MYO7A: variants seen among roughly 807,000 people sequenced by gnomAD.
The protein encoded by MYO7A is unconventional myosin-VIIa.
In MYO7A, 210 loss-of-function variants were observed where a neutral mutation model predicts 263.8. The observed-to-expected ratio is 0.80, with a 90% confidence interval of 0.71 to 0.89. MYO7A has a LOEUF of 0.89. Among genes scored for constraint, MYO7A ranks in the 40% least tolerant of loss-of-function variants. MYO7A has a pLI of 0.00. For synonymous variants in MYO7A, 1,239 were observed against 1,197.3 expected (o/e 1.03, Z -0.72); for missense variants, 2,820 against 2,968.3 (o/e 0.95, Z 1.16).
In MYO7A at chr11:77,189,334, G is replaced by T; in HGVS notation, c.3504-10G>T. On this transcript the variant is annotated splice_polypyrimidine_tract_variant and intron_variant, in intron 27 of 48. Transcript: ENST00000409709. ...GTGATTCCCCCTCCCTTGCCCTGCT[G>T]CCTGCCCAGGGACGAGATCTACTGC... 6.2e-7 allele frequency: 1 copy of T among 1,612,874 alleles called. No individual in the cohort carries two copies.
At position 77,161,746 on chromosome 11, in the gene MYO7A, T is replaced by C. The variant is rs1021350435; in HGVS notation, c.1344-374T>C. The stretch of plus-strand genomic sequence containing the variant: ...TCCCACCTCCCAAGGCCACTTTTGA[T>C]GTCCCTGTATGGCCCACCAGCCAGC... On this transcript the variant is annotated intron_variant, in intron 12 of 48. Coordinates refer to ENST00000409709, the MANE Select transcript of MYO7A (RefSeq NM_000260.4). 2.0e-5 allele frequency among the ~76,000 whole-genome samples: 3 copies of C among 152,228 alleles called. No individual in the cohort carries two copies. The East Asian group carries it at 5.8e-4, about 29-fold the overall frequency.
chr11:77,156,596 G>A, intron 5 of MYO7A, 64 bp from the exon 6 acceptor site: 1 of 1,601,776 alleles, frequency 6.2e-7, no homozygotes, highest in Non-Finnish European at 8.5e-7. Context: ...AGCCTGGGCT[G>A]AGTTCCAGTT....
intron 31 of MYO7A, among the ~76,000 whole-genome samples, chr11:77,192,599 A>G (rs1326920473): frequency 6.6e-6 from 1 of 152,164 alleles, no homozygotes; most frequent in African/African-American, 2.4e-5. Context: ...ATATCTAGTA[A>G]GCGCTGCATT....
At chr11:77,164,947 T>C (rs1422201515) in intron 14 of MYO7A, among the ~76,000 whole-genome samples, 1 of 152,226 alleles carries the variant, frequency 6.6e-6, no homozygotes, top group Non-Finnish European at 1.5e-5. Flanking sequence ...AAGAACCTTT[T>C]CAATACAGCG....
At chr11:77,163,590 A>C (rs4945152) in intron 14 of MYO7A, among the ~76,000 whole-genome samples, 61,094 of 151,994 alleles carry the variant, frequency 0.4, 12,710 homozygotes, top group African/African-American at 0.48. Context: ...AGAAAAGGTA[A>C]AGTAAAAATA....
chr11:77,168,841 A>G (rs1349502574), intron 15 of MYO7A, among the ~76,000 whole-genome samples: 2 of 152,218 alleles, frequency 1.3e-5, no homozygotes, highest in Non-Finnish European at 2.9e-5. Context: ...AGAGAGGCCA[A>G]GGTGCTCACT....
intron 3 of MYO7A, among the ~76,000 whole-genome samples, chr11:77,146,051 G>C (rs1442311556): frequency 1.3e-5 from 2 of 152,224 alleles, no homozygotes; most frequent in Non-Finnish European, 2.9e-5. Context: ...TGGCCCTGGA[G>C]GCAGGGGGAT....
rs948290723 is a variant in MYO7A, at chr11:77,182,979, G to A, written c.3286-89G>A. ...CACCCTGTAAGCTTCACGTGGAAGC[G>A]AGACGGTTCCCCGCAAAGTCTTGCT... On this transcript the variant is annotated intron_variant, in intron 25 of 48. Coordinates refer to ENST00000409709, the MANE Select transcript of MYO7A (RefSeq NM_000260.4). The A allele has an allele frequency of 1.3e-5, 15 of 1,146,750 alleles. No individual in the cohort carries two copies. In the East Asian group the frequency reaches 2.1e-4, roughly 16 times the overall value. 71.0% of individuals were successfully genotyped at this position (1,146,750 alleles called of 1,614,324 possible). A position where few individuals can be genotyped will look rare whatever the true frequency, so the allele number is the denominator to read the frequency against.
At chr11:77,160,034 C>T (rs1555067284) in intron 10 of MYO7A, 129 bp from the exon 11 acceptor site, 2 of 1,386,676 alleles carry the variant, frequency 1.4e-6, no homozygotes, top group African/African-American at 2.9e-5. Context: ...GGCCGTGGGC[C>T]CTGGGGCAGG....
At position 77,142,715 on chromosome 11, in the gene MYO7A, C is replaced by G; in HGVS notation, c.25C>G (p.His9Asp). The change falls in exon 3 of 49, where the codon CAT (histidine) becomes GAT (aspartate). Residue 9 changes from histidine (H) to aspartate (D), a missense_variant. His to Asp is a moderately conservative substitution (Grantham distance 81). Coordinates refer to ENST00000409709, the MANE Select transcript of MYO7A (RefSeq NM_000260.4). ...GACTCTCTCTCGCCCATAGGGGGAC[C>G]ATGTGTGGATGGACCTGAGATTGGG... MVILQQGD[H>D]VWMDLRLGQE... 6.2e-7 allele frequency: 1 copy of G among 1,609,814 alleles called. No individual in the cohort carries two copies. Among genetic ancestry groups the G allele is most frequent in the Non-Finnish European group, 8.5e-7 (1 of 1,178,242 alleles).
rs1173768366 is a variant in MYO7A, at chr11:77,198,629, G to A, written c.4568+8G>A. 1 of 1,613,460 alleles carries A rather than the reference G, an allele frequency of 6.2e-7. No individual in the cohort carries two copies. Among genetic ancestry groups the A allele is most frequent in the African/African-American group, 1.3e-5 (1 of 74,944 alleles). On this transcript the variant is annotated splice_region_variant and intron_variant, in intron 34 of 48. Coordinates refer to ENST00000409709, the MANE Select transcript of MYO7A (RefSeq NM_000260.4). ...GGCCGTGTCCAGCAGCAGGTGAGGA[G>A]GCCCGCATGGAGATGCAGACAGACA...
At chr11:77,209,985 G>T (rs572766778) in intron 44 of MYO7A, among the ~76,000 whole-genome samples, 28 of 152,360 alleles carry the variant, frequency 1.8e-4, no homozygotes, top group African/African-American at 6.5e-4. Flanking sequence ...CAGGGCCTTT[G>T]TAATGTTGGG....
chr11:77,137,265 G>A (rs781859198), intron 2 of MYO7A, among the ~76,000 whole-genome samples: 21 of 152,194 alleles, frequency 1.4e-4, no homozygotes, highest in Non-Finnish European at 2.9e-4. Flanking sequence ...GGGACAGGGA[G>A]TGGGGTAGAA....
intron 15 of MYO7A, 53 bp from the exon 16 acceptor site, chr11:77,172,695 A>T (rs1954214562): frequency 3.2e-6 from 5 of 1,544,378 alleles, no homozygotes; most frequent in Non-Finnish European, 4.4e-6. Flanking sequence ...GGCTCCTGGG[A>T]CACTGGATGG....
Position 77,194,496 on chromosome 11 carries a change from C to G in MYO7A, c.4295C>G (p.Ala1432Gly). 1 of 1,606,088 alleles carries G rather than the reference C, an allele frequency of 6.2e-7. No homozygotes were observed. Among genetic ancestry groups the G allele is most frequent in the South Asian group, 1.1e-5 (1 of 89,194 alleles). Residue 1432 changes from alanine to glycine, a missense_variant, in exon 32 of 49, where the codon GCC becomes GGC. Ala to Gly is a moderately conservative substitution (Grantham distance 60). Transcript: ENST00000409709. ...CCCCTGAAGACGCTGGAGAAGTGGG[C>G]CCAGCTGGCCATCGCCGCCCACAAG... ...ITPLKTLEKW[A>G]QLAIAAHKKG...
chr11:77,155,749 C>A (rs558536006), intron 4 of MYO7A, among the ~76,000 whole-genome samples, 158 bp from the exon 5 acceptor site: 2 of 152,232 alleles, frequency 1.3e-5, no homozygotes, highest in Non-Finnish European at 2.9e-5. Context: ...TGCCCCAGCT[C>A]CTAAGGAGGC....
At chr11:77,172,033 C>T (rs1954141857) in intron 15 of MYO7A, among the ~76,000 whole-genome samples, 1 of 152,176 alleles carries the variant, frequency 6.6e-6, no homozygotes, top group Non-Finnish European at 1.5e-5. Context: ...GGAGGATTAG[C>T]CAGGCCTGCC....
At chr11:77,207,042 A>C in intron 41 of MYO7A, 2 of 419,660 alleles carry the variant, frequency 4.8e-6, no homozygotes, top group Non-Finnish European at 8.6e-6. Flanking sequence ...TCAGGCTTGT[A>C]CACCCTGGCC....
chr11:77,194,312 G>A, intron 31 of MYO7A, 42 bp from the exon 32 acceptor site: 1 of 1,587,962 alleles, frequency 6.3e-7, no homozygotes, highest in Non-Finnish European at 8.6e-7. Flanking sequence ...GCTTCCTGGA[G>A]GGGCCTGGGC....
Sources: allele counts gnomAD v4.1 joint callset (sites outside exome capture counted in the v4.1 genomes callset), GRCh38; gene constraint gnomAD v4.1.1; transcripts MANE v1.5; gene names NCBI Gene and HGNC (gene_info 2026-07-23, HGNC 2026-07-21).